GALNT18: variants seen among roughly 807,000 people sequenced by gnomAD.
GALNT18 encodes GalNAc-transferase 18.
A neutral mutation model predicts 69.5 loss-of-function variants in GALNT18; 44 were observed. The ratio of observed to expected loss-of-function variants is 0.63; its 90% CI spans 0.50 to 0.81. The LOEUF (loss-of-function observed/expected upper bound fraction) is 0.81, where lower values mean the gene tolerates loss of function less well. Ranked by LOEUF, GALNT18 falls within the 40% of genes least tolerant of loss-of-function variation. GALNT18 has a pLI of 0.00. For missense variants in GALNT18, 715 were observed against 810.0 expected (o/e 0.88, Z 1.42); for synonymous variants, 364 against 318.2 (o/e 1.14, Z -1.53).
Position 11,618,348 on chromosome 11 carries a change from C to G in GALNT18, c.235+3011G>C, listed in dbSNP as rs1255886511. ...GCACTCATCCATTCATCCACGCTTC[C>G]ACCCCACAGCTACTTTCTGCAGAAT... On this transcript the variant is annotated intron_variant, in intron 1 of 10. Coordinates refer to ENST00000227756, the MANE Select transcript of GALNT18 (RefSeq NM_198516.3). The surrounding 1 kb of genome is among the most constrained non-coding windows in gnomAD (Gnocchi z 6.1). Among the ~76,000 whole-genome samples, 3 of 152,240 alleles carry G rather than the reference C, an allele frequency of 2.0e-5. No individual in the cohort carries two copies. The highest frequency in any genetic ancestry group is 7.2e-5 in the African/African-American group (3 of 41,460).
At chr11:11,426,006 C>G (rs1855120872) in intron 3 of GALNT18, among the ~76,000 whole-genome samples, 1 of 152,204 alleles carries the variant, frequency 6.6e-6, no homozygotes, top group African/African-American at 2.4e-5. Context: ...AACCAGCAGG[C>G]TCAGAGCTGT....
chr11:11,501,266 A>T (rs1856967008), intron 1 of GALNT18, among the ~76,000 whole-genome samples: 1 of 152,216 alleles, frequency 6.6e-6, no homozygotes, highest in East Asian at 1.9e-4. Flanking sequence ...AGAAAAAAAA[A>T]TTCAGTGTTA....
At chr11:11,403,641 CCT>C (rs753871791) in intron 3 of GALNT18, among the ~76,000 whole-genome samples, 1 of 152,190 alleles carries the variant, frequency 6.6e-6, no homozygotes, top group African/African-American at 2.4e-5. Context: ...TCTCTCCTCC[CCT>C]GTTATTCTGC....
At chr11:11,357,258 C>A (rs1038411602) in intron 6 of GALNT18, among the ~76,000 whole-genome samples, 11 of 152,114 alleles carry the variant, frequency 7.2e-5, no homozygotes, top group Non-Finnish European at 1.3e-4. Context: ...ACCTAGAAGG[C>A]AACAAAATTT....
chr11:11,325,806 A>C (rs909476999), intron 9 of GALNT18, among the ~76,000 whole-genome samples: 4 of 152,060 alleles, frequency 2.6e-5, no homozygotes, highest in Admixed American at 1.3e-4. Context: ...TGTGAGCACA[A>C]CCTGATTTGC....
chr11:11,405,318 C>A (rs1320261592), intron 3 of GALNT18, among the ~76,000 whole-genome samples: 1 of 152,158 alleles, frequency 6.6e-6, no homozygotes, highest in Admixed American at 6.5e-5. Context: ...GTTTTATTCC[C>A]ACTACACTTA....
intron 10 of GALNT18, among the ~76,000 whole-genome samples, chr11:11,276,952 G>C (rs573715584): frequency 6.6e-6 from 1 of 152,234 alleles, no homozygotes; most frequent in Non-Finnish European, 1.5e-5. Flanking sequence ...TGTTCATCAG[G>C]GATATTGGCC....
At position 11,396,398 on chromosome 11, in the gene GALNT18, G is replaced by A. The variant is rs1445492886; in HGVS notation, c.596-17134C>T. ...AGCAGTGGGGGGAGGAGAAACGCAT[G>A]AAATGGGTTACTATGGAGAGCTGCA... On this transcript the variant is annotated intron_variant, in intron 3 of 10. Coordinates refer to ENST00000227756, the MANE Select transcript of GALNT18 (RefSeq NM_198516.3). This position sits in a 1 kb window ranked among gnomAD's most constrained non-coding sequence, Gnocchi z 5.2. 6.6e-6 allele frequency among the ~76,000 whole-genome samples: 1 copy of A among 152,150 alleles called. No individual in the cohort carries two copies. The highest frequency in any genetic ancestry group is 1.5e-5 in the Non-Finnish European group (1 of 68,026).
At chr11:11,460,095 C>T (rs556993634) in intron 1 of GALNT18, among the ~76,000 whole-genome samples, 13 of 152,192 alleles carry the variant, frequency 8.5e-5, no homozygotes, top group East Asian at 1.9e-4. Flanking sequence ...CCTACGGTTG[C>T]GTTAGGCACA....
chr11:11,349,030 T>A (rs75763888), intron 6 of GALNT18, among the ~76,000 whole-genome samples: 1,913 of 152,196 alleles, frequency 0.013, 37 homozygotes, highest in African/African-American at 0.043. Flanking sequence ...TGAATTTTTT[T>A]AATAATTTCC....
chr11:11,328,782 T>C (rs900622241), intron 8 of GALNT18, among the ~76,000 whole-genome samples: 1 of 152,216 alleles, frequency 6.6e-6, no homozygotes, highest in African/African-American at 2.4e-5. Flanking sequence ...GTTCTTGTCC[T>C]ACAGCCCATG....
chr11:11,271,440 C>T (rs1848825734), intron 10 of GALNT18, 150 bp from the exon 11 acceptor site: 1 of 743,470 alleles, frequency 1.3e-6, no homozygotes, highest in Non-Finnish European at 2.2e-6. Flanking sequence ...GCAGGCTCCC[C>T]TATCACTCAT....
intron 1 of GALNT18, among the ~76,000 whole-genome samples, chr11:11,558,128 T>G (rs1234554573): frequency 6.6e-6 from 1 of 152,150 alleles, no homozygotes; most frequent in African/African-American, 2.4e-5. Flanking sequence ...CACAAGATGT[T>G]TAGAAAATAC....
intron 5 of GALNT18, among the ~76,000 whole-genome samples, chr11:11,375,188 C>T (rs902559906): frequency 3.3e-5 from 5 of 152,158 alleles, no homozygotes; most frequent in South Asian, 2.1e-4. Context: ...AAAGGGAGCT[C>T]GGATGGGCAA....
chr11:11,559,514 GGGATGGGATA>G (rs1458514068), intron 1 of GALNT18, among the ~76,000 whole-genome samples: 1 of 152,212 alleles, frequency 6.6e-6, no homozygotes, highest in African/African-American at 2.4e-5. Flanking sequence ...GGCATGGAGA[GGGATGGGATA>G]GGATGGGATA....
intron 10 of GALNT18, among the ~76,000 whole-genome samples, chr11:11,280,924 C>T (rs1379735858): frequency 6.6e-6 from 1 of 152,182 alleles, no homozygotes; most frequent in Non-Finnish European, 1.5e-5. Context: ...CCAGTTGCTC[C>T]AAACAAGGCC....
rs1457351819 is a variant in GALNT18 at position 11,314,405 on chromosome 11, G to T, written c.1512+12681C>A. On this transcript the variant is annotated intron_variant, in intron 9 of 10. Coordinates refer to ENST00000227756, the MANE Select transcript of GALNT18 (RefSeq NM_198516.3). This position sits in a 1 kb window ranked among gnomAD's most constrained non-coding sequence, Gnocchi z 5.2. ...TCCTTTTTTTTTTTTTAGCATGGAA[G>T]CTGCAGGAGCAGCCCAGAGTTCACC... Among the ~76,000 whole-genome samples, 5 of 150,944 alleles carry T rather than the reference G, an allele frequency of 3.3e-5. No homozygotes were observed. The highest frequency in any genetic ancestry group is 9.8e-5 in the African/African-American group (4 of 40,936).
chr11:11,386,609 A>G (rs78501275), intron 3 of GALNT18, among the ~76,000 whole-genome samples: 1,552 of 152,356 alleles, frequency 0.01, 26 homozygotes, highest in African/African-American at 0.036. Context: ...CTCTGCATTA[A>G]TTGGATAAAA....
intron 1 of GALNT18, among the ~76,000 whole-genome samples, chr11:11,449,870 G>A (rs1162593182): frequency 6.6e-6 from 1 of 152,230 alleles, no homozygotes; most frequent in African/African-American, 2.4e-5. Context: ...AAAGCATTTA[G>A]ATCAGTTTAT....
Sources: gnomAD v4.1 joint callset for allele counts (sites outside exome capture counted in the v4.1 genomes callset) on GRCh38, gnomAD v4.1.1 for gene constraint, Gnocchi (gnomAD v3.1) non-coding constraint, MANE v1.5 for transcripts, NCBI Gene and HGNC (gene_info 2026-07-23, HGNC 2026-07-21) for gene names.